STOX2: variants seen among roughly 807,000 people sequenced by gnomAD.
STOX2 encodes the protein storkhead-box protein 2.
A neutral mutation model predicts 60.9 loss-of-function variants in STOX2; 28 were observed. The ratio of observed to expected loss-of-function variants is 0.46; its 90% CI spans 0.34 to 0.63. The LOEUF (loss-of-function observed/expected upper bound fraction) is 0.63, where lower values mean the gene tolerates loss of function less well. Ranked by LOEUF, STOX2 falls within the 30% of genes least tolerant of loss-of-function variation. The pLI is 0.01. For missense variants in STOX2, 1,024 were observed against 1,187.7 expected (o/e 0.86, Z 2.03); for synonymous variants, 472 against 463.9 (o/e 1.02, Z -0.22).
intron 1 of STOX2, among the ~76,000 whole-genome samples, chr4:183,963,796 G>C (rs1356817627): frequency 7.1e-6 from 1 of 141,700 alleles, no homozygotes; most frequent in Non-Finnish European, 1.5e-5. Flanking sequence ...TTTTTTTTGA[G>C]ACGGAGTCTC....
Position 183,859,802 on chromosome 4 carries a change from T to A in STOX2, c.364+61747T>A, listed in dbSNP as rs1241832544. Among the ~76,000 whole-genome samples, 3 of 151,934 alleles carry A rather than the reference T, an allele frequency of 2.0e-5. No individual in the cohort carries two copies. The East Asian group carries it at 5.8e-4, about 29-fold the overall frequency. On this transcript the variant is annotated intron_variant, in intron 1 of 2. Coordinates refer to the STOX2 transcript ENST00000513034. ...AATGATCTTACCGAACTGAATGGATTTTTTTTTCCTATTATACCAAAGACT... is the reference window on the plus strand; with the variant it reads ...AATGATCTTACCGAACTGAATGGATATTTTTTTCCTATTATACCAAAGACT...
Position 184,010,790 on chromosome 4 carries a change from T to A in STOX2, c.1952T>A (p.Val651Glu), listed in dbSNP as rs773851049. ...GTCCCCCACTCCTCCAGGGAGCCTG[T>A]GGGGCACAAGGAGGAGTCACCAAAA... ...RQVPHSSREPVGHKEESPKGP... is the reference protein window; with the variant it reads ...RQVPHSSREPEGHKEESPKGP... Residue 651 changes from valine to glutamate, a missense_variant, in exon 3 of 4, where the codon GTG becomes GAG. Physicochemically the swap from Val to Glu is moderately radical, Grantham distance 121. Around this residue, in one of 3 missense-constraint regions of STOX2, gnomAD observed 922 missense variants for 1,058.3 expected, o/e 0.87. Transcript: ENST00000308497. This position sits in a 1 kb window ranked among gnomAD's most constrained non-coding sequence, Gnocchi z 4.5. 1 of 1,580,994 alleles carries A rather than the reference T, an allele frequency of 6.3e-7. No homozygotes were observed. Among genetic ancestry groups the A allele is most frequent in the Non-Finnish European group, 8.6e-7 (1 of 1,164,622 alleles).
At chr4:183,999,421 C>T (rs944517855) in intron 1 of STOX2, among the ~76,000 whole-genome samples, 8 of 152,192 alleles carry the variant, frequency 5.3e-5, no homozygotes, top group South Asian at 2.1e-4. Flanking sequence ...TAGGTCAGTT[C>T]CTGGCTTCTG....
rs1378718354 is a variant in STOX2 at position 183,836,541 on chromosome 4, CAG to C, written c.364+38487_364+38488del. Among the ~76,000 whole-genome samples, 1 of 152,210 alleles carries C rather than the reference CAG, an allele frequency of 6.6e-6. No homozygotes were observed. The highest frequency in any genetic ancestry group is 1.5e-5 in the Non-Finnish European group (1 of 68,036). On this transcript the variant is annotated intron_variant, in intron 1 of 2. Transcript: ENST00000513034. This position sits in a 1 kb window ranked among gnomAD's most constrained non-coding sequence, Gnocchi z 4.1. Reference sequence around the variant, plus strand: ...TGAATGTGAACAATGTGAGGGGACTCAGGGGCTTTTTGATGCCTCAGCCATTA... The same window carrying C: ...TGAATGTGAACAATGTGAGGGGACTCGGGCTTTTTGATGCCTCAGCCATTA...
At chr4:183,988,711 C>T (rs1732955582) in intron 1 of STOX2, 1 of 152,616 alleles carries the variant, frequency 6.6e-6, no homozygotes, top group East Asian at 1.9e-4. Context: ...CTAGGACGTC[C>T]GTTTCTGTTA....
chr4:183,816,827 T>A (rs1381353656), intron 1 of STOX2, among the ~76,000 whole-genome samples: 1 of 152,236 alleles, frequency 6.6e-6, no homozygotes, highest in Non-Finnish European at 1.5e-5. Context: ...AAAGTCCTCA[T>A]TAAAGATAGG....
At chr4:183,850,820 G>A (rs1740100430) in intron 1 of STOX2, among the ~76,000 whole-genome samples, 2 of 150,772 alleles carry the variant, frequency 1.3e-5, no homozygotes, top group African/African-American at 4.8e-5. Flanking sequence ...AAGGATGAGG[G>A]AAAGGATGAG....
intron 1 of STOX2, among the ~76,000 whole-genome samples, chr4:183,925,072 T>A (rs1007357277): frequency 2.6e-5 from 4 of 152,158 alleles, no homozygotes; most frequent in Non-Finnish European, 5.9e-5. Flanking sequence ...AGTAGAAGGA[T>A]CTAGAGTAAT....
At chr4:183,956,972 T>C (rs1355222476) in intron 1 of STOX2, among the ~76,000 whole-genome samples, 1 of 121,272 alleles carries the variant, frequency 8.2e-6, no homozygotes, top group East Asian at 2.4e-4. Flanking sequence ...TGTGGTGTTC[T>C]GGACACAGGA....
intron 1 of STOX2, among the ~76,000 whole-genome samples, chr4:183,811,922 G>A (rs6844177): frequency 0.27 from 40,613 of 148,696 alleles, 6,532 homozygotes; most frequent in African/African-American, 0.45. Context: ...TAGTGAGAAA[G>A]CCTGGATTTT....
chr4:183,841,483 G>C (rs550215992), intron 1 of STOX2, among the ~76,000 whole-genome samples: 61 of 152,206 alleles, frequency 4.0e-4, no homozygotes, highest in Middle Eastern at 3.4e-3. Context: ...AAAGTTCTGG[G>C]ATTACAGGCT....
At chr4:183,832,598 C>T (rs1185571737) in intron 1 of STOX2, among the ~76,000 whole-genome samples, 1 of 146,974 alleles carries the variant, frequency 6.8e-6, no homozygotes, top group Non-Finnish European at 1.5e-5. Context: ...TCAAGCGATT[C>T]TCCTGCCTCA....
At chr4:183,929,756 C>T (rs1241309822) in intron 1 of STOX2, among the ~76,000 whole-genome samples, 1 of 152,160 alleles carries the variant, frequency 6.6e-6, no homozygotes, top group Non-Finnish European at 1.5e-5. Flanking sequence ...CCCGGTTAAA[C>T]GTATTTCTGA....
chr4:184,007,803 T>G (rs1733937922), intron 2 of STOX2, among the ~76,000 whole-genome samples: 1 of 152,196 alleles, frequency 6.6e-6, no homozygotes, highest in Non-Finnish European at 1.5e-5. Flanking sequence ...CTCTGTGCCT[T>G]TCTGTCTCCA....
intron 1 of STOX2, among the ~76,000 whole-genome samples, chr4:183,941,819 G>C (rs1223581555): frequency 6.6e-6 from 1 of 152,128 alleles, no homozygotes; most frequent in Non-Finnish European, 1.5e-5. Context: ...TCAATATGTT[G>C]TGAATATTTT....
At chr4:183,937,120 AG>A (rs1415720265) in intron 1 of STOX2, among the ~76,000 whole-genome samples, 17 of 152,228 alleles carry the variant, frequency 1.1e-4, no homozygotes, top group African/African-American at 4.1e-4. Context: ...GTACAGCTAA[AG>A]CACTCTTTGG....
intron 1 of STOX2, among the ~76,000 whole-genome samples, chr4:183,809,693 G>A (rs772471175): frequency 2.0e-5 from 3 of 152,148 alleles, no homozygotes; most frequent in African/African-American, 7.2e-5. Context: ...TACCATTCCC[G>A]GCCCTGACTT....
At chr4:183,852,584 G>T (rs924113645) in intron 1 of STOX2, among the ~76,000 whole-genome samples, 1 of 149,320 alleles carries the variant, frequency 6.7e-6, no homozygotes, top group Non-Finnish European at 1.5e-5. Flanking sequence ...AAAGGATGAT[G>T]CTGCCTTATC....
intron 1 of STOX2, among the ~76,000 whole-genome samples, chr4:183,823,953 T>C (rs1440438963): frequency 6.7e-6 from 1 of 150,204 alleles, no homozygotes; most frequent in Admixed American, 6.6e-5. Flanking sequence ...CAAATGCGGC[T>C]TCAGGTCTTG....
Sources: gnomAD v4.1 joint callset for allele counts (sites outside exome capture counted in the v4.1 genomes callset) on GRCh38, gnomAD v4.1.1 for gene constraint, gnomAD v4.1.1 regional missense constraint, Gnocchi (gnomAD v3.1) non-coding constraint, MANE v1.5 for transcripts, NCBI Gene and HGNC (gene_info 2026-07-23, HGNC 2026-07-21) for gene names.